Variants in PRKAR2B observed in about 807,000 individuals in gnomAD.
PRKAR2B encodes protein kinase cAMP-dependent type II regulatory subunit beta, also known as cAMP-dependent protein kinase type II-beta regulatory subunit.
A neutral mutation model predicts 49.9 loss-of-function variants in PRKAR2B; 14 were observed. That is an observed-to-expected ratio of 0.28 (90% CI 0.19 to 0.44). The LOEUF is 0.44. Among genes scored for constraint, PRKAR2B ranks in the 20% least tolerant of loss-of-function variants. The pLI is 1.00. For missense variants in PRKAR2B, 393 were observed against 537.9 expected, an observed-to-expected ratio of 0.73 and a Z score of 2.67; for synonymous variants, 196 against 197.7, an observed-to-expected ratio of 0.99 and a Z score of 0.07.
intron 1 of PRKAR2B, among the ~76,000 whole-genome samples, chr7:107,046,140 C>G (rs1174631840): frequency 6.6e-6 from 1 of 152,196 alleles, no homozygotes; most frequent in Non-Finnish European, 1.5e-5. Flanking sequence ...CCCTCTTTCC[C>G]TAACACACCC....
At chr7:107,150,850 T>G in intron 6 of PRKAR2B, 72 bp from the exon 7 acceptor site, 1 of 713,336 alleles carries the variant, frequency 1.4e-6, no homozygotes, top group Non-Finnish European at 2.3e-6. Flanking sequence ...TTGTTTCTTG[T>G]AGGGAATAAA....
chr7:107,070,197 G>A, intron 1 of PRKAR2B, 84 bp from the exon 2 acceptor site: 1 of 935,592 alleles, frequency 1.1e-6, no homozygotes, highest in South Asian at 1.6e-5. Flanking sequence ...TAAATTATAA[G>A]ATGGTTTACC....
intron 2 of PRKAR2B, among the ~76,000 whole-genome samples, chr7:107,090,107 A>G (rs1794707884): frequency 6.6e-6 from 1 of 152,202 alleles, no homozygotes; most frequent in African/African-American, 2.4e-5. Flanking sequence ...CTTTAATTCA[A>G]TCAAGTGAAA....
intron 10 of PRKAR2B, 121 bp from the exon 11 acceptor site, chr7:107,159,328 T>C: frequency 9.8e-7 from 1 of 1,017,842 alleles, no homozygotes; most frequent in Non-Finnish European, 1.4e-6. Context: ...TTGTATTTTA[T>C]AGTATTTACC....
At chr7:107,140,801 G>A (rs1584449324) in intron 4 of PRKAR2B, 46 bp from the exon 5 acceptor site, 1 of 1,401,274 alleles carries the variant, frequency 7.1e-7, no homozygotes, top group Non-Finnish European at 9.9e-7. Context: ...AAGAAAACAT[G>A]TTCTAGATAA....
chr7:107,130,416 G>A (rs886750574), intron 4 of PRKAR2B, among the ~76,000 whole-genome samples: 2 of 151,936 alleles, frequency 1.3e-5, no homozygotes, highest in African/African-American at 4.8e-5. Context: ...GCAGGAGAAT[G>A]GCATGAACCC....
intron 2 of PRKAR2B, among the ~76,000 whole-genome samples, chr7:107,099,474 C>T (rs1026875483): frequency 4.6e-5 from 7 of 152,102 alleles, no homozygotes; most frequent in Non-Finnish European, 1.0e-4. Flanking sequence ...CCAGTTGAGG[C>T]GATGCCCCGC....
intron 2 of PRKAR2B, among the ~76,000 whole-genome samples, chr7:107,094,363 T>C (rs1390974867): frequency 6.6e-6 from 1 of 152,248 alleles, no homozygotes; most frequent in Non-Finnish European, 1.5e-5. Context: ...TTTTTGATTT[T>C]TTCTTGTAAA....
At chr7:107,078,832 G>A (rs1001217221) in intron 2 of PRKAR2B, among the ~76,000 whole-genome samples, 3 of 152,184 alleles carry the variant, frequency 2.0e-5, no homozygotes, top group Non-Finnish European at 2.9e-5. Context: ...TTTTCCCAGA[G>A]TTCTCTTAGA....
chr7:107,097,904 T>C (rs1794877845), intron 2 of PRKAR2B, among the ~76,000 whole-genome samples: 1 of 152,250 alleles, frequency 6.6e-6, no homozygotes, highest in Admixed American at 6.5e-5. Context: ...GGCTTCCCTT[T>C]GTGGGTAACC....
At chr7:107,069,602 G>C (rs1584410109) in intron 1 of PRKAR2B, 1 of 152,160 alleles carries the variant, frequency 6.6e-6, no homozygotes, top group African/African-American at 2.4e-5. Context: ...AGAAGATACA[G>C]AGCTGAGTTG....
chr7:107,149,387 A>T (rs1340518711), intron 6 of PRKAR2B, among the ~76,000 whole-genome samples: 1 of 152,082 alleles, frequency 6.6e-6, no homozygotes, highest in African/African-American at 2.4e-5. Flanking sequence ...AGCAGCATAC[A>T]TTTATTTCTC....
At chr7:107,056,844 G>A (rs950199545) in intron 1 of PRKAR2B, among the ~76,000 whole-genome samples, 5 of 152,102 alleles carry the variant, frequency 3.3e-5, no homozygotes, top group African/African-American at 4.8e-5. Context: ...TTTGGACTTC[G>A]TTGTATTAAA....
chr7:107,048,526 A>G (rs1002122818), intron 1 of PRKAR2B, among the ~76,000 whole-genome samples: 3 of 152,186 alleles, frequency 2.0e-5, no homozygotes, highest in African/African-American at 7.2e-5. Context: ...TGACCATGCA[A>G]CTTGTGCCCA....
chr7:107,150,617 G>A (rs1795966259), intron 6 of PRKAR2B, among the ~76,000 whole-genome samples: 1 of 150,840 alleles, frequency 6.6e-6, no homozygotes, highest in Admixed American at 6.6e-5. Context: ...TAAAAATGCT[G>A]TGACAGCGCC....
chr7:107,075,151 G>A (rs900760793), intron 2 of PRKAR2B, among the ~76,000 whole-genome samples: 14 of 150,370 alleles, frequency 9.3e-5, no homozygotes, highest in East Asian at 7.8e-4. Flanking sequence ...TCACCAGGCC[G>A]GAGTGCAATG....
At chr7:107,122,249 CTG>C (rs1022961968) in intron 3 of PRKAR2B, among the ~76,000 whole-genome samples, 5 of 152,134 alleles carry the variant, frequency 3.3e-5, no homozygotes, top group Non-Finnish European at 5.9e-5. Context: ...GTGTTTTCAG[CTG>C]TCTTTCTCAT....
intron 1 of PRKAR2B, among the ~76,000 whole-genome samples, chr7:107,063,748 C>T (rs1794073073): frequency 6.6e-6 from 1 of 152,160 alleles, no homozygotes; most frequent in South Asian, 2.1e-4. Context: ...CTCTCAGTTG[C>T]TCTTCATTTC....
At chr7:107,121,002 TATTAA>T in intron 2 of PRKAR2B, among the ~76,000 whole-genome samples, 1 of 150,802 alleles carries the variant, frequency 6.6e-6, no homozygotes, top group East Asian at 1.9e-4. Flanking sequence ...TTTTAAATAT[TATTAA>T]ATTCAAACTA....
Sources: gnomAD v4.1 joint callset for allele counts (sites outside exome capture counted in the v4.1 genomes callset) on GRCh38, gnomAD v4.1.1 for gene constraint, MANE v1.5 for transcripts, NCBI Gene and HGNC (gene_info 2026-07-23, HGNC 2026-07-21) for gene names.